Variants in PYGB observed in about 807,000 individuals in gnomAD.
PYGB encodes the protein glycogen phosphorylase, brain form.
In PYGB, 82 loss-of-function variants were observed where a neutral mutation model predicts 94.3. The ratio of observed to expected loss-of-function variants is 0.87; its 90% CI spans 0.73 to 1.04. The LOEUF (loss-of-function observed/expected upper bound fraction) is 1.04. Among genes scored for constraint, PYGB ranks in the 50% least tolerant of loss-of-function variants. PYGB has a pLI of 0.00. For missense variants in PYGB, 1,132 were observed against 1,158.2 expected, an observed-to-expected ratio of 0.98 and a Z score of 0.33; for synonymous variants, 488 against 479.1, an observed-to-expected ratio of 1.02 and a Z score of -0.24.
chr20:25,251,582 G>C (rs1475693293), intron 1 of PYGB, among the ~76,000 whole-genome samples: 2 of 152,238 alleles, frequency 1.3e-5, no homozygotes, highest in South Asian at 4.1e-4. Flanking sequence ...GGGACAGTGA[G>C]GGTCAGGACA....
At chr20:25,263,472 A>G (rs953383612) in intron 2 of PYGB, among the ~76,000 whole-genome samples, 1 of 152,204 alleles carries the variant, frequency 6.6e-6, no homozygotes, top group African/African-American at 2.4e-5. Flanking sequence ...AAACTCTTAA[A>G]AAAATCGAAG....
Position 25,248,192 on chromosome 20 carries a change from T to C in PYGB, c.14T>C (p.Leu5Pro). 1 of 1,591,936 alleles carries C rather than the reference T, an allele frequency of 6.3e-7. No homozygotes were observed. The highest frequency in any genetic ancestry group is 8.5e-7 in the Non-Finnish European group (1 of 1,169,794). MAKPLTDSEKRKQIS... is the reference protein window; with the variant it reads MAKPPTDSEKRKQIS... ...TCCGCCGGCGCGATGGCGAAGCCGC[T>C]GACGGACAGCGAGAAGCGGAAGCAG... Residue 5 changes from leucine (L) to proline (P), a missense_variant, in exon 1 of 20, where the codon CTG becomes CCG. Transcript: ENST00000216962.
At chr20:25,258,583 G>T (rs528050200) in intron 1 of PYGB, among the ~76,000 whole-genome samples, 9 of 152,348 alleles carry the variant, frequency 5.9e-5, no homozygotes, top group African/African-American at 2.2e-4. Flanking sequence ...AGAAAGTAGG[G>T]CACCTAGAAC....
chr20:25,277,516 C>T (rs1293862184), intron 7 of PYGB, among the ~76,000 whole-genome samples, 190 bp downstream of exon 7: 3 of 152,140 alleles, frequency 2.0e-5, no homozygotes, highest in Admixed American at 6.5e-5. Flanking sequence ...TCCATAAAGC[C>T]CAAGCGGCTC....
In PYGB at chr20:25,292,395, C is replaced by T. The variant is rs760371699; in HGVS notation, c.1970-11C>T. On this transcript the variant is annotated splice_polypyrimidine_tract_variant and intron_variant, in intron 16 of 19. Transcript: ENST00000216962. ...CTCACAGTGATCCCCTCCACGGGCT[C>T]CCCTCCACAGTGATCCCGGCCGCTG... is the stretch of plus-strand genomic sequence containing the variant. 6.2e-7 allele frequency: 1 copy of T among 1,612,094 alleles called. No homozygotes were observed. The highest frequency in any genetic ancestry group is 1.3e-5 in the African/African-American group (1 of 74,634).
intron 1 of PYGB, among the ~76,000 whole-genome samples, chr20:25,259,034 T>C (rs549510781): frequency 1.9e-4 from 29 of 152,312 alleles, no homozygotes; most frequent in African/African-American, 7.0e-4. Context: ...GAAGGCCGTG[T>C]TGAGGAGGGG....
intron 1 of PYGB, among the ~76,000 whole-genome samples, chr20:25,258,961 G>A (rs2092907891): frequency 6.6e-6 from 1 of 152,244 alleles, no homozygotes; most frequent in Non-Finnish European, 1.5e-5. Flanking sequence ...AACCTGCCCT[G>A]CCTCCCCACA....
At chr20:25,283,812 T>G (rs1205681740) in intron 13 of PYGB, among the ~76,000 whole-genome samples, 6 of 152,118 alleles carry the variant, frequency 3.9e-5, no homozygotes, top group African/African-American at 1.2e-4. Context: ...CCCGCGCTGC[T>G]CCGCCGCCTG....
intron 12 of PYGB, 137 bp downstream of exon 12, chr20:25,282,284 T>C: frequency 2.8e-6 from 2 of 709,466 alleles, no homozygotes; most frequent in Non-Finnish European, 4.6e-6. Context: ...CTTCTGGACA[T>C]GAGGGCTGAG....
chr20:25,291,439 G>C (rs928742671), intron 16 of PYGB, among the ~76,000 whole-genome samples: 1 of 152,208 alleles, frequency 6.6e-6, no homozygotes, highest in African/African-American at 2.4e-5. Flanking sequence ...AGGTGAGAGG[G>C]CTGATCTGCT....
At position 25,282,533 on chromosome 20, in the gene PYGB, G is replaced by A. The variant is rs528966533; in HGVS notation, c.1518+386G>A. On this transcript the variant is annotated intron_variant, in intron 12 of 19. Coordinates refer to ENST00000216962, the MANE Select transcript of PYGB (RefSeq NM_002862.4). ...TGAGTGCTGAGGTGTCAGGCCCTGC[G>A]CTACAGGCAAGGACCAGCCGCTGGG... 7.2e-5 allele frequency among the ~76,000 whole-genome samples: 11 copies of A among 152,356 alleles called. No homozygotes were observed. The East Asian group carries it at 9.6e-4, about 13-fold the overall frequency.
chr20:25,287,707 C>T (rs1056793467), intron 14 of PYGB, among the ~76,000 whole-genome samples: 3 of 151,708 alleles, frequency 2.0e-5, no homozygotes, highest in Non-Finnish European at 4.4e-5. Context: ...GTGCGAGGCG[C>T]GGTAGCTCAC....
At chr20:25,265,375 A>G (rs1333758336) in intron 2 of PYGB, among the ~76,000 whole-genome samples, 2 of 152,150 alleles carry the variant, frequency 1.3e-5, no homozygotes, top group African/African-American at 2.4e-5. Context: ...CAGTTTCTCT[A>G]CATCCTCACC....
Position 25,288,551 on chromosome 20 carries a change from C to T in PYGB, c.1827+68C>T, listed in dbSNP as rs141324025. 1.8e-4 allele frequency: 270 copies of T among 1,541,632 alleles called. No individual in the cohort carries two copies. In the East Asian group the frequency reaches 3.6e-3, roughly 21 times the overall value. On this transcript the variant is annotated intron_variant, in intron 15 of 19. Transcript: ENST00000216962. ...GGGGATAGTGGGTGGGCAGCCTGCA[C>T]GCTTCTCATGGTGCCACCACATCCA...
intron 17 of PYGB, 172 bp from the exon 18 acceptor site, chr20:25,293,986 C>T (rs1195943932): frequency 1.4e-5 from 11 of 778,546 alleles, no homozygotes; most frequent in Non-Finnish European, 2.0e-5. Flanking sequence ...CAGGTCCCTG[C>T]TCAAGGGCCT....
chr20:25,248,333 ACT>A lies in PYGB; in HGVS notation c.156_157del (p.Phe53LeufsTer58). 6.2e-7 allele frequency: 1 copy of A among 1,603,648 alleles called. No homozygotes were observed. The highest frequency in any genetic ancestry group is 8.5e-7 in the Non-Finnish European group (1 of 1,175,742). On this transcript the variant is annotated frameshift_variant, in exon 1 of 20. Transcript: ENST00000216962. LOFTEE classifies it high-confidence loss of function. ...CGCAATGTGGCCACGCCCCGCGACT[ACT>A]TCTTCGCGCTGGCGCACACGGTGCG...
At chr20:25,276,066 C>T (rs2088308259) in intron 5 of PYGB, among the ~76,000 whole-genome samples, 1 of 152,106 alleles carries the variant, frequency 6.6e-6, no homozygotes, top group Non-Finnish European at 1.5e-5. Flanking sequence ...TCTCTGGATG[C>T]AGGGGAACCT....
intron 2 of PYGB, among the ~76,000 whole-genome samples, chr20:25,260,134 G>C (rs1259201154): frequency 6.6e-6 from 1 of 152,184 alleles, no homozygotes; most frequent in Non-Finnish European, 1.5e-5. Context: ...AGCAGTGTCT[G>C]TGCTCAACAA....
chr20:25,268,161 G>GCC (rs11471520), intron 2 of PYGB, among the ~76,000 whole-genome samples: 9,711 of 61,604 alleles, frequency 0.16, 978 homozygotes, highest in East Asian at 0.21. Flanking sequence ...CCTAGCACCC[G>GCC]CCCCCCCCCC....
Sources: gnomAD v4.1 joint callset for allele counts (sites outside exome capture counted in the v4.1 genomes callset) on GRCh38, gnomAD v4.1.1 for gene constraint, MANE v1.5 for transcripts, NCBI Gene and HGNC (gene_info 2026-07-23, HGNC 2026-07-21) for gene names.